DERA: variants seen among roughly 807,000 people sequenced by gnomAD.
DERA encodes 2-deoxy-D-ribose 5-phosphate aldolase.
In DERA, 15 loss-of-function variants were observed where a neutral mutation model predicts 41.1. The ratio of observed to expected loss-of-function variants is 0.37; its 90% CI spans 0.24 to 0.56. DERA has a LOEUF of 0.56. Ranked by LOEUF, DERA falls within the 20% of genes least tolerant of loss-of-function variation. DERA has a pLI of 0.81. For synonymous variants in DERA, 139 were observed against 137.4 expected (o/e 1.01, Z -0.08); for missense variants, 396 against 403.4 (o/e 0.98, Z 0.16).
chr12:15,949,789 CTCA>C (rs1486348513), intron 1 of DERA, among the ~76,000 whole-genome samples: 27 of 152,206 alleles, frequency 1.8e-4, no homozygotes, highest in African/African-American at 6.5e-4. Flanking sequence ...TTCTGCGTTG[CTCA>C]TGCTGGGAGC....
chr12:15,926,702 C>T (rs1948287817), intron 1 of DERA, among the ~76,000 whole-genome samples: 1 of 149,472 alleles, frequency 6.7e-6, no homozygotes, highest in African/African-American at 2.5e-5. Flanking sequence ...CACCACTGCA[C>T]TCCCGCCTGG....
intron 6 of DERA, among the ~76,000 whole-genome samples, chr12:16,006,370 G>GA (rs767046378): frequency 6.6e-6 from 1 of 152,072 alleles, no homozygotes; most frequent in Non-Finnish European, 1.5e-5. Flanking sequence ...GAAATAGCTG[G>GA]AAAAAAATAG....
chr12:15,917,760 G>A (rs1387695648), intron 1 of DERA, among the ~76,000 whole-genome samples: 3 of 152,138 alleles, frequency 2.0e-5, no homozygotes, highest in Admixed American at 2.0e-4. Flanking sequence ...GGTAGGGGTG[G>A]GTGTTTCAAC....
rs1948518847 is a variant in DERA, at chr12:15,954,036, G to A, written c.32-2900G>A. 6.6e-6 allele frequency among the ~76,000 whole-genome samples: 1 copy of A among 152,178 alleles called. No individual in the cohort carries two copies. The highest frequency in any genetic ancestry group is 2.1e-4 in the South Asian group (1 of 4,832). On this transcript the variant is annotated intron_variant, in intron 1 of 8. Transcript: ENST00000428559. The surrounding 1 kb of genome is among the most constrained non-coding windows in gnomAD (Gnocchi z 4.0). ...ATCCTATTACATTCTCCAGTAGATG[G>A]TTTGCAGGGACCTCTGGCAAGAGGT...
chr12:15,977,066 A>C (rs975453889), intron 5 of DERA, among the ~76,000 whole-genome samples: 1 of 152,160 alleles, frequency 6.6e-6, no homozygotes, highest in Non-Finnish European at 1.5e-5. Flanking sequence ...TATTATACAA[A>C]ATTTAGTATC....
chr12:16,007,088 T>C (rs1420537977), intron 6 of DERA, among the ~76,000 whole-genome samples: 1 of 152,138 alleles, frequency 6.6e-6, no homozygotes, highest in Non-Finnish European at 1.5e-5. Flanking sequence ...CATTTGTTTA[T>C]ACAAATAGGC....
chr12:15,926,742 G>GAAAAAAAAA (rs71051274), intron 1 of DERA, among the ~76,000 whole-genome samples: 10 of 120,214 alleles, frequency 8.3e-5, no homozygotes, highest in South Asian at 2.7e-4. Context: ...GTCTCAAAAA[G>GAAAAAAAAA]AAAAAAAAAA....
intron 6 of DERA, among the ~76,000 whole-genome samples, chr12:16,024,177 A>G (rs1024666778): frequency 6.6e-6 from 1 of 152,246 alleles, no homozygotes; most frequent in African/African-American, 2.4e-5. Context: ...CAAAAGGCAT[A>G]ACATATGGTG....
intron 5 of DERA, among the ~76,000 whole-genome samples, chr12:15,973,776 A>G (rs930964006): frequency 6.6e-6 from 1 of 152,138 alleles, no homozygotes; most frequent in Admixed American, 6.5e-5. Context: ...TGAAGGAAAA[A>G]AGCATGTTAC....
intron 6 of DERA, among the ~76,000 whole-genome samples, chr12:16,005,434 G>T (rs1254510133): frequency 6.6e-6 from 1 of 152,072 alleles, no homozygotes; most frequent in Non-Finnish European, 1.5e-5. Flanking sequence ...CTGGGTAACA[G>T]AGAGAAAAAA....
chr12:15,960,973 G>C (rs1441660679), intron 4 of DERA, among the ~76,000 whole-genome samples: 1 of 152,214 alleles, frequency 6.6e-6, no homozygotes, highest in East Asian at 1.9e-4. Flanking sequence ...AGGGAGATCA[G>C]GGCAGAATTG....
chr12:16,018,596 T>G (rs904855382), intron 6 of DERA, among the ~76,000 whole-genome samples: 1 of 152,142 alleles, frequency 6.6e-6, no homozygotes, highest in Admixed American at 6.5e-5. Context: ...TATCAACAGC[T>G]GATTAGAAGT....
chr12:16,000,596 C>T lies in DERA; in HGVS notation c.637+18160C>T, dbSNP rs144963007. ...CATTGAAAGTAAGTTTCCTATGTTA[C>T]GCGGCTGCTAAATTGGCCAGGGACA... On this transcript the variant is annotated intron_variant, in intron 6 of 8. Coordinates refer to ENST00000428559, the MANE Select transcript of DERA (RefSeq NM_015954.4). This position sits in a 1 kb window ranked among gnomAD's most constrained non-coding sequence, Gnocchi z 4.8. Among the ~76,000 whole-genome samples, 12 of 152,230 alleles carry T rather than the reference C, an allele frequency of 7.9e-5. No individual in the cohort carries two copies. Among genetic ancestry groups the T allele is most frequent in the South Asian group, 2.1e-4 (1 of 4,822 alleles).
chr12:16,015,236 G>T (rs1948973216), intron 6 of DERA, among the ~76,000 whole-genome samples: 1 of 152,162 alleles, frequency 6.6e-6, no homozygotes, highest in Non-Finnish European at 1.5e-5. Context: ...AGGGCCAGGG[G>T]CAGAATGATA....
chr12:15,911,636 G>T lies in DERA; in HGVS notation c.31+222G>T. The T allele has an allele frequency of 1.4e-6, 1 of 695,552 alleles. No homozygotes were observed. Among genetic ancestry groups the T allele is most frequent in the South Asian group, 1.5e-5 (1 of 66,572 alleles). 43.1% of individuals were successfully genotyped at this position (695,552 alleles called of 1,614,324 possible). On this transcript the variant is annotated intron_variant, in intron 1 of 8. Transcript: ENST00000428559. The surrounding 1 kb of genome is among the most constrained non-coding windows in gnomAD (Gnocchi z 4.5). The stretch of plus-strand genomic sequence containing the variant: ...CACCTAAGCTTTTACTCTTGTATGC[G>T]GAAGGAGTAGGAAAGGGTTAGATTA...
Position 16,036,372 on chromosome 12 carries a change from T to A in DERA, c.891T>A (p.Ile297=). ...RIGASTLLSD[I]ERQIYHHVTG... ...GTGCCAGTACTCTGCTCTCGGACATTGAGAGGCAGGTGAGTAATCATCTCT... is the reference window on the plus strand; with the variant it reads ...GTGCCAGTACTCTGCTCTCGGACATAGAGAGGCAGGTGAGTAATCATCTCT... The change falls in exon 8 of 9, where the codon ATT becomes ATA. Residue 297 remains isoleucine, a synonymous_variant. Coordinates refer to ENST00000428559, the MANE Select transcript of DERA (RefSeq NM_015954.4). The surrounding 1 kb of genome is among the most constrained non-coding windows in gnomAD (Gnocchi z 4.9). 2 of 1,598,246 alleles carry A rather than the reference T, an allele frequency of 1.3e-6. No homozygotes were observed. The highest frequency in any genetic ancestry group is 1.7e-6 in the Non-Finnish European group (2 of 1,174,672).
At chr12:16,022,944 T>C (rs578080364) in intron 6 of DERA, among the ~76,000 whole-genome samples, 4 of 152,188 alleles carry the variant, frequency 2.6e-5, no homozygotes, top group Non-Finnish European at 5.9e-5. Context: ...ATAATCATTG[T>C]GCAATATGCC....
rs537838304 is a variant in DERA at position 16,029,273 on chromosome 12, G to A, written c.638-3269G>A. Among the ~76,000 whole-genome samples, 9 of 152,034 alleles carry A rather than the reference G, an allele frequency of 5.9e-5. No homozygotes were observed. In the East Asian group the frequency reaches 1.8e-3, roughly 30 times the overall value. On this transcript the variant is annotated intron_variant, in intron 6 of 8. Transcript: ENST00000428559. Reference sequence around the variant, plus strand: ...CGGTCTCTACTAAAAAATACAAAAAGTTAGCCGGGCGTAGTGGCGGGCGCC... The same window carrying A: ...CGGTCTCTACTAAAAAATACAAAAAATTAGCCGGGCGTAGTGGCGGGCGCC...
rs1050038197 is a variant in DERA at position 16,021,792 on chromosome 12, T to C, written c.638-10750T>C. 6.6e-6 allele frequency among the ~76,000 whole-genome samples: 1 copy of C among 152,174 alleles called. No homozygotes were observed. Among genetic ancestry groups the C allele is most frequent in the African/African-American group, 2.4e-5 (1 of 41,444 alleles). ...GAGGCCTATAGCGCACCCCTCCCCC[T>C]TTTTTGGCTGATTTCTCCCTTTGGG... On this transcript the variant is annotated intron_variant, in intron 6 of 8. Transcript: ENST00000428559. This position sits in a 1 kb window ranked among gnomAD's most constrained non-coding sequence, Gnocchi z 5.3.
Sources: allele counts gnomAD v4.1 joint callset (sites outside exome capture counted in the v4.1 genomes callset), GRCh38; gene constraint gnomAD v4.1.1; non-coding constraint Gnocchi (gnomAD v3.1); transcripts MANE v1.5; gene names NCBI Gene and HGNC (gene_info 2026-07-23, HGNC 2026-07-21).